The following NSMCE2 variants were observed in gnomAD, a reference collection of about 807,000 sequenced individuals.
NSMCE2 encodes E3 SUMO-protein ligase NSE2.
Under a neutral mutation model 23.8 loss-of-function variants are expected in NSMCE2, and 24 were observed. That is an observed-to-expected ratio of 1.01 (90% CI 0.73 to 1.42). The LOEUF is 1.42. Ranked by LOEUF, NSMCE2 falls within the 40% of genes most tolerant of loss-of-function variation. The pLI, the probability that NSMCE2 is intolerant of heterozygous loss-of-function variation, is 0.00. For synonymous variants in NSMCE2, 92 were observed against 94.1 expected (o/e 0.98, Z 0.13); for missense variants, 284 against 296.5 (o/e 0.96, Z 0.31).
chr8:125,295,805 C>A (rs886819910), intron 5 of NSMCE2, among the ~76,000 whole-genome samples: 27 of 152,238 alleles, frequency 1.8e-4, no homozygotes, highest in African/African-American at 6.5e-4. Flanking sequence ...GGATTTCTTT[C>A]TTTGTTTTTT....
intron 4 of NSMCE2, among the ~76,000 whole-genome samples, chr8:125,153,056 C>CAAAAAAAAAAAAAAAAAAAAA: frequency 2.1e-5 from 1 of 47,456 alleles, no homozygotes; most frequent in Non-Finnish European, 4.9e-5. Flanking sequence ...GACTCCGTCT[C>CAAAAAAAAAAAAAAAAAAAAA]AAAAAAAAAA....
Position 125,324,683 on chromosome 8 carries a change from T to A in NSMCE2, c.419-32536T>A, listed in dbSNP as rs1382660208. ...TCCGCCTCCCGGGTTCACGCCATTC[T>A]CCTGCCTCAGCCTCCCGAGTAGCTG... On this transcript the variant is annotated intron_variant, in intron 5 of 7. Coordinates refer to ENST00000287437, the MANE Select transcript of NSMCE2 (RefSeq NM_173685.4). 2.3e-5 allele frequency among the ~76,000 whole-genome samples: 2 copies of A among 88,288 alleles called. 1 individual carries two copies. Among genetic ancestry groups the A allele is most frequent in the Non-Finnish European group, 5.7e-5 (2 of 35,358 alleles). 57.9% of individuals were successfully genotyped at this position (88,288 alleles called of 152,430 possible).
In NSMCE2 at chr8:125,102,072, A is replaced by T. The variant is rs975836903; in HGVS notation, c.-89A>T. 5.7e-6 allele frequency: 2 copies of T among 348,624 alleles called. No homozygotes were observed. Among genetic ancestry groups the T allele is most frequent in the African/African-American group, 4.1e-5 (2 of 48,674 alleles). 21.6% of individuals were successfully genotyped at this position (348,624 alleles called of 1,614,324 possible). On this transcript the variant is annotated 5_prime_UTR_variant, in exon 2 of 8. Coordinates refer to ENST00000287437, the MANE Select transcript of NSMCE2 (RefSeq NM_173685.4). Reference sequence around the variant, plus strand: ...ACAGAATCAAGCACTCTTTTGGAAGAGGGTAATCTCTCTCCAAAAACTGAG... The same window carrying T: ...ACAGAATCAAGCACTCTTTTGGAAGTGGGTAATCTCTCTCCAAAAACTGAG...
At chr8:125,230,836 T>C (rs1409054950) in intron 5 of NSMCE2, among the ~76,000 whole-genome samples, 3 of 151,982 alleles carry the variant, frequency 2.0e-5, no homozygotes, top group African/African-American at 7.3e-5. Flanking sequence ...ATTTTGCCCC[T>C]GTCTTTCTTA....
intron 5 of NSMCE2, among the ~76,000 whole-genome samples, chr8:125,350,516 A>T (rs1050098778): frequency 6.6e-6 from 1 of 152,170 alleles, no homozygotes; most frequent in Non-Finnish European, 1.5e-5. Flanking sequence ...GTTGATAAAG[A>T]CATACCTGAG....
chr8:125,324,866 G>T (rs11777731), intron 5 of NSMCE2, among the ~76,000 whole-genome samples: 4,005 of 54,888 alleles, frequency 0.073, 1,360 homozygotes, highest in Middle Eastern at 0.22. Context: ...GAGCCACCGC[G>T]CCCGGCCCAT....
intron 5 of NSMCE2, among the ~76,000 whole-genome samples, chr8:125,345,737 G>A (rs1830408956): frequency 6.6e-6 from 1 of 152,210 alleles, no homozygotes; most frequent in African/African-American, 2.4e-5. Context: ...AAACTAATGT[G>A]CTAAATATGG....
chr8:125,155,304 G>A (rs1469014256), intron 4 of NSMCE2, among the ~76,000 whole-genome samples: 6 of 152,166 alleles, frequency 3.9e-5, no homozygotes, highest in Non-Finnish European at 8.8e-5. Context: ...CTCAACATGG[G>A]AAATATATAT....
At chr8:125,323,178 A>T (rs1050185403) in intron 5 of NSMCE2, among the ~76,000 whole-genome samples, 1 of 152,268 alleles carries the variant, frequency 6.6e-6, no homozygotes, top group Non-Finnish European at 1.5e-5. Context: ...AAGATATACC[A>T]TGTTAATGAA....
rs565430950 is a variant in NSMCE2 at position 125,253,926 on chromosome 8, GCAGT to G, written c.418+71673_418+71676del. On this transcript the variant is annotated intron_variant, in intron 5 of 7. Coordinates refer to ENST00000287437, the MANE Select transcript of NSMCE2 (RefSeq NM_173685.4). ...TTCCCCCTCCAAAAAAAATTTTTTG[GCAGT>G]CATAGTCATCATGACTTCTCCTATA... 7.9e-5 allele frequency among the ~76,000 whole-genome samples: 12 copies of G among 152,186 alleles called. No homozygotes were observed. In the East Asian group the frequency reaches 2.3e-3, roughly 29 times the overall value.
At position 125,308,865 on chromosome 8, in the gene NSMCE2, A is replaced by C. The variant is rs189721038; in HGVS notation, c.419-48354A>C. Among the ~76,000 whole-genome samples, 754 of 152,312 alleles carry C rather than the reference A, an allele frequency of 5.0e-3. 3 individuals carry two copies. Among genetic ancestry groups the C allele is most frequent in the Non-Finnish European group, 7.3e-3 (495 of 68,034 alleles). ...TCCTTATTCTGAAGATAGATGAAGA[A>C]GTGCATTTTCCTTACCCCCTGCCAG... On this transcript the variant is annotated intron_variant, in intron 5 of 7. Transcript: ENST00000287437.
At chr8:125,233,032 C>G (rs1198914434) in intron 5 of NSMCE2, among the ~76,000 whole-genome samples, 1 of 152,230 alleles carries the variant, frequency 6.6e-6, no homozygotes, top group Non-Finnish European at 1.5e-5. Flanking sequence ...ATTGCCGGCT[C>G]TGTCATCTTC....
intron 4 of NSMCE2, among the ~76,000 whole-genome samples, chr8:125,159,097 A>G (rs1372754777): frequency 6.6e-6 from 1 of 152,252 alleles, no homozygotes; most frequent in African/African-American, 2.4e-5. Context: ...TGTCTTCATC[A>G]CAAGAGGAAG....
intron 5 of NSMCE2, among the ~76,000 whole-genome samples, chr8:125,353,066 T>C (rs1813106214): frequency 6.6e-6 from 1 of 152,162 alleles, no homozygotes; most frequent in South Asian, 2.1e-4. Flanking sequence ...TCCCTAGTGG[T>C]AGGCATTGCA....
intron 5 of NSMCE2, among the ~76,000 whole-genome samples, chr8:125,338,556 C>T (rs919907139): frequency 2.6e-5 from 4 of 152,152 alleles, no homozygotes; most frequent in Non-Finnish European, 5.9e-5. Context: ...ATTTCGTTAG[C>T]AGTAGCAACA....
chr8:125,094,069 G>T (rs982626114), intron 1 of NSMCE2, among the ~76,000 whole-genome samples: 15 of 151,598 alleles, frequency 9.9e-5, no homozygotes, highest in Admixed American at 2.6e-4. Context: ...CTTTCAAAGT[G>T]CTGGGATTAT....
intron 4 of NSMCE2, among the ~76,000 whole-genome samples, chr8:125,171,073 G>T (rs973321376): frequency 2.6e-5 from 4 of 151,954 alleles, no homozygotes; most frequent in African/African-American, 7.3e-5. Flanking sequence ...CAACTATATG[G>T]CTCACCCCCT....
intron 5 of NSMCE2, among the ~76,000 whole-genome samples, chr8:125,354,572 C>T (rs182111440): frequency 1.1e-3 from 173 of 152,222 alleles, no homozygotes; most frequent in African/African-American, 3.9e-3. Context: ...GCTGGAAGCC[C>T]CGAGGCACTG....
intron 5 of NSMCE2, among the ~76,000 whole-genome samples, chr8:125,264,976 T>C (rs1826853391): frequency 6.6e-6 from 1 of 152,112 alleles, no homozygotes; most frequent in African/African-American, 2.4e-5. Flanking sequence ...AGGCTGAAAC[T>C]AGGGTGAGAG....
Sources: allele counts gnomAD v4.1 joint callset (sites outside exome capture counted in the v4.1 genomes callset), GRCh38; gene constraint gnomAD v4.1.1; transcripts MANE v1.5; gene names NCBI Gene and HGNC (gene_info 2026-07-23, HGNC 2026-07-21).